The following APOL3 variants were observed in gnomAD, a reference collection of about 807,000 sequenced individuals.
APOL3 encodes the protein TNF-inducible protein CG12-1.
Under a neutral mutation model 11.6 loss-of-function variants are expected in APOL3, and 14 were observed. That is an observed-to-expected ratio of 1.21 (90% CI 0.80 to 1.89). APOL3 has a LOEUF of 1.89. Among genes scored for constraint, APOL3 ranks in the 40% most tolerant of loss-of-function variants. APOL3 has a pLI of 0.00. For synonymous variants in APOL3, 192 were observed against 190.6 expected, an observed-to-expected ratio of 1.01 and a Z score of -0.06; for missense variants, 483 against 492.1, an observed-to-expected ratio of 0.98 and a Z score of 0.17.
intron 2 of APOL3, among the ~76,000 whole-genome samples, chr22:36,144,006 G>A (rs2060095591): frequency 6.6e-6 from 1 of 152,118 alleles, no homozygotes; most frequent in Non-Finnish European, 1.5e-5. Flanking sequence ...AACTCTCCAA[G>A]CTGGCCCGAA....
At chr22:36,141,861 C>T (rs2146724799) in exon 3 of APOL3, 1 of 1,614,208 alleles carries the variant, frequency 6.2e-7, no homozygotes, top group Middle Eastern at 1.6e-4. Context: ...GATGGTGCAG[C>T]CTCTGTGGAC....
At chr22:36,147,083 T>C (rs965043900) in intron 1 of APOL3, among the ~76,000 whole-genome samples, 50 of 152,204 alleles carry the variant, frequency 3.3e-4, no homozygotes, top group Non-Finnish European at 1.2e-4. Flanking sequence ...CAGCGTTCCC[T>C]TGCCATTACT....
chr22:36,164,991 A>G (rs2013822220), upstream of APOL3: 1 of 152,190 alleles, frequency 6.6e-6, no homozygotes, highest in East Asian at 1.9e-4. Context: ...TTAACATGAC[A>G]AATCACATTT....
exon 3 of APOL3, chr22:36,141,863 T>G (rs763840719): frequency 6.2e-7 from 1 of 1,614,248 alleles, no homozygotes; most frequent in South Asian, 1.1e-5. Context: ...TGGTGCAGCC[T>G]CTGTGGACCT....
intron 1 of APOL3, chr22:36,159,711 A>T (rs2013476211): frequency 6.6e-6 from 1 of 152,214 alleles, no homozygotes; most frequent in African/African-American, 2.4e-5. Context: ...TGTCAGGGAC[A>T]TGGAGTCCTG....
At chr22:36,145,413 C>T (rs931938639) in intron 2 of APOL3, 60 bp downstream of exon 3, 1 of 1,592,682 alleles carries the variant, frequency 6.3e-7, no homozygotes. Flanking sequence ...AAAACTAGCC[C>T]AGGGGAGATC....
chr22:36,160,784 T>C (rs773273276), exon 1 of APOL3: 2 of 1,614,146 alleles, frequency 1.2e-6, no homozygotes, highest in East Asian at 2.2e-5. Flanking sequence ...GGCTCTGAGA[T>C]ATACCCTGGA....
intron 1 of APOL3, chr22:36,150,075 G>T: frequency 2.8e-6 from 1 of 354,000 alleles, no homozygotes; most frequent in Non-Finnish European, 5.6e-6. Flanking sequence ...GCCCCCCAAA[G>T]TCCTGCGATT....
chr22:36,144,786 G>A (rs1303033751), intron 2 of APOL3, among the ~76,000 whole-genome samples: 10 of 151,974 alleles, frequency 6.6e-5, no homozygotes, highest in Non-Finnish European at 1.2e-4. Flanking sequence ...GAGGCGGGAG[G>A]ATCACGAGGT....
rs772672425 is a variant in APOL3, at chr22:36,145,432, A to G, written c.350+41T>C. The G allele has an allele frequency of 4.4e-6, 7 of 1,608,498 alleles. No individual in the cohort carries two copies. In the Admixed American group the frequency reaches 1.2e-4, roughly 27 times the overall value. ...CTAGCCCAGGGGAGATCAGGATGGC[A>G]TAGCCGGGGCGCCCCATGGAGGTAA... On this transcript the variant is annotated intron_variant, in intron 2 of 2. Coordinates refer to ENST00000349314, the Ensembl canonical transcript of APOL3.
chr22:36,162,092 A>T (rs1215233730), upstream of APOL3, among the ~76,000 whole-genome samples: 2 of 152,200 alleles, frequency 1.3e-5, no homozygotes, highest in Non-Finnish European at 2.9e-5. Context: ...CTCCAGTGAA[A>T]TGCTGAGTTG....
At chr22:36,147,960 G>A (rs1241207261) in intron 1 of APOL3, among the ~76,000 whole-genome samples, 1 of 152,204 alleles carries the variant, frequency 6.6e-6, no homozygotes. Context: ...GTCATGAGCA[G>A]CCAGCTGACA....
At chr22:36,149,285 G>T in intron 1 of APOL3, 143 bp from the exon 2 acceptor site, 1 of 1,305,538 alleles carries the variant, frequency 7.7e-7, no homozygotes, top group Non-Finnish European at 1.0e-6. Flanking sequence ...TAATCTCCTG[G>T]GCCCCAGCCA....
In APOL3 at chr22:36,148,758, T is replaced by C. The variant is rs1327071834; in HGVS notation, c.224-3159A>G. Reference sequence around the variant, plus strand: ...CCCCCTACTCCCCGACCCTGCTGTTTCCACTTCCCCAAGGCTGTGGTGCCC... The same window carrying C: ...CCCCCTACTCCCCGACCCTGCTGTTCCCACTTCCCCAAGGCTGTGGTGCCC... On this transcript the variant is annotated intron_variant, in intron 1 of 2. Coordinates refer to ENST00000349314, the Ensembl canonical transcript of APOL3. Among the ~76,000 whole-genome samples, 3 of 152,190 alleles carry C rather than the reference T, an allele frequency of 2.0e-5. No homozygotes were observed. The highest frequency in any genetic ancestry group is 4.4e-5 in the Non-Finnish European group (3 of 68,034).
intron 1 of APOL3, among the ~76,000 whole-genome samples, chr22:36,153,769 C>T (rs886858662): frequency 6.6e-6 from 1 of 152,208 alleles, no homozygotes; most frequent in Non-Finnish European, 1.5e-5. Flanking sequence ...GGACGTATGC[C>T]TGTGACACAG....
At chr22:36,147,753 T>C (rs532889500) in intron 1 of APOL3, among the ~76,000 whole-genome samples, 1 of 152,356 alleles carries the variant, frequency 6.6e-6, no homozygotes, top group East Asian at 1.9e-4. Flanking sequence ...CCTCCAGCAC[T>C]AGATCTGTGT....
chr22:36,156,704 C>T (rs1385306731), intron 1 of APOL3: 3 of 284,390 alleles, frequency 1.1e-5, no homozygotes, highest in Non-Finnish European at 2.2e-5. Flanking sequence ...TCCCCCAGCC[C>T]TCCCCAGGCT....
intron 1 of APOL3, among the ~76,000 whole-genome samples, chr22:36,147,209 A>G (rs1256142986): frequency 6.6e-6 from 1 of 152,190 alleles, no homozygotes; most frequent in East Asian, 1.9e-4. Flanking sequence ...ACACCATTGA[A>G]TAAACTACCA....
chr22:36,141,011 C>T (rs889649824), exon 3 of APOL3: 20 of 769,212 alleles, frequency 2.6e-5, no homozygotes, highest in Non-Finnish European at 4.0e-5. Flanking sequence ...GCATTCCTGC[C>T]TTCTCCTTGG....
Sources: gnomAD v4.1 joint callset for allele counts (sites outside exome capture counted in the v4.1 genomes callset) on GRCh38, gnomAD v4.1.1 for gene constraint, MANE v1.5 for transcripts, NCBI Gene and HGNC (gene_info 2026-07-23, HGNC 2026-07-21) for gene names.